The following SNED1 variants were observed in gnomAD, a reference collection of about 807,000 sequenced individuals.
SNED1 encodes the protein sushi, nidogen and EGF like domains 1.
Under a neutral mutation model 166.7 loss-of-function variants are expected in SNED1, and 81 were observed. That is an observed-to-expected ratio of 0.49 (90% CI 0.41 to 0.58). The LOEUF is 0.58. Among genes scored for constraint, SNED1 ranks in the 20% least tolerant of loss-of-function variants. SNED1 has a pLI of 0.00. For missense variants in SNED1, 1,604 were observed against 2,000.2 expected (o/e 0.80, Z 3.78); for synonymous variants, 762 against 822.0 (o/e 0.93, Z 1.25).
At chr2:241,031,832 T>G (rs2061180210) in intron 2 of SNED1, among the ~76,000 whole-genome samples, 1 of 152,234 alleles carries the variant, frequency 6.6e-6, no homozygotes, top group African/African-American at 2.4e-5. Flanking sequence ...ATAAGTGGAA[T>G]GTACACTGTA....
chr2:241,035,589 T>TCGC (rs1210383274), intron 4 of SNED1: 3 of 152,026 alleles, frequency 2.0e-5, no homozygotes, highest in Non-Finnish European at 4.4e-5. Context: ...TGCCCCAGAC[T>TCGC]CGCCTCCCAG....
chr2:241,084,321 G>T (rs2063477210), intron 29 of SNED1, among the ~76,000 whole-genome samples: 1 of 151,868 alleles, frequency 6.6e-6, no homozygotes, highest in Non-Finnish European at 1.5e-5. Flanking sequence ...ATTTTTAGTA[G>T]AGACAAAGTT....
intron 5 of SNED1, 139 bp downstream of exon 5, chr2:241,037,054 AG>A: frequency 8.3e-7 from 1 of 1,208,104 alleles, no homozygotes; most frequent in Non-Finnish European, 1.2e-6. Context: ...TGACTTGCTT[AG>A]GGGACCACTG....
In SNED1 at chr2:241,065,388, A is replaced by G; in HGVS notation, c.2803A>G (p.Arg935Gly). Residue 935 changes from arginine to glycine, a missense_variant, in exon 21 of 32, where the codon AGG (arginine) becomes GGG (glycine). Coordinates refer to ENST00000310397, the MANE Select transcript of SNED1 (RefSeq NM_001080437.3). The part of the protein sequence containing the change: ...SWNPPNGPAA[R>G]QMLDGYAVTY... Reference sequence around the variant, plus strand: ...GAACCCGCCCAATGGTCCAGCCGCCAGGCAGATGCTTGATGGCTACGCGGT... The same window carrying G: ...GAACCCGCCCAATGGTCCAGCCGCCGGGCAGATGCTTGATGGCTACGCGGT... The G allele has an allele frequency of 6.2e-7, 1 of 1,613,190 alleles. No individual in the cohort carries two copies. Among genetic ancestry groups the G allele is most frequent in the Non-Finnish European group, 8.5e-7 (1 of 1,179,846 alleles).
intron 28 of SNED1, 101 bp from the exon 29 acceptor site, chr2:241,082,176 C>A: frequency 2.2e-6 from 2 of 908,566 alleles, no homozygotes; most frequent in Non-Finnish European, 1.7e-6. Context: ...AGGAAGCCAG[C>A]CTAAGGACCC....
At position 241,081,724 on chromosome 2, in the gene SNED1, TG is replaced by T; in HGVS notation, c.3965del (p.Cys1322LeufsTer26). The T allele has an allele frequency of 6.2e-7, 1 of 1,609,848 alleles. No homozygotes were observed. Among genetic ancestry groups the T allele is most frequent in the Non-Finnish European group, 8.5e-7 (1 of 1,178,132 alleles). On this transcript the variant is annotated frameshift_variant, in exon 28 of 32. Transcript: ENST00000310397. LOFTEE classifies it high-confidence loss of function. ...SENPCQNGGT[C>X]VPGADAHSCD... is the part of the protein sequence containing the mutation. ...AAACCCCTGTCAGAACGGAGGCACT[TG>T]TGTGCCGGGCGCAGACGCCCACAGC... is the stretch of plus-strand genomic sequence containing the variant.
chr2:241,085,494 G>A (rs1042601160), intron 29 of SNED1, among the ~76,000 whole-genome samples: 6 of 152,088 alleles, frequency 3.9e-5, no homozygotes, highest in African/African-American at 1.4e-4. Context: ...TTAGCTCACT[G>A]AACATGTGGA....
intron 1 of SNED1, among the ~76,000 whole-genome samples, chr2:241,009,802 TGTGTTTCCCCGG>T: frequency 8.0e-6 from 1 of 125,750 alleles, no homozygotes; most frequent in African/African-American, 5.7e-5. Flanking sequence ...CTGTCCCATG[TGTGTTTCCCCGG>T]AGGCGTCCCA....
In SNED1 at chr2:241,030,590, C is replaced by T. The variant is rs2061136221; in HGVS notation, c.501+19C>T. On this transcript the variant is annotated intron_variant, in intron 2 of 31. Coordinates refer to ENST00000310397, the MANE Select transcript of SNED1 (RefSeq NM_001080437.3). ...ATCCCCTGTGAGTCCAGGCACTTGT[C>T]CTGGGGAGGGTGGGTGTGTGGCTAG... 6.2e-7 allele frequency: 1 copy of T among 1,610,078 alleles called. No individual in the cohort carries two copies. The highest frequency in any genetic ancestry group is 1.1e-5 in the South Asian group (1 of 90,722).
At chr2:241,002,691 T>G (rs139323806) in intron 1 of SNED1, among the ~76,000 whole-genome samples, 39 of 152,232 alleles carry the variant, frequency 2.6e-4, no homozygotes, top group Admixed American at 5.9e-4. Flanking sequence ...CAGGACGTCA[T>G]GCCCAGTGCA....
At chr2:241,076,672 C>T (rs2063034250) in intron 27 of SNED1, among the ~76,000 whole-genome samples, 1 of 151,852 alleles carries the variant, frequency 6.6e-6, no homozygotes, top group Non-Finnish European at 1.5e-5. Flanking sequence ...TCAAGACTAG[C>T]CTGGCCAACA....
chr2:241,046,082 C>T (rs2061638942), intron 8 of SNED1, among the ~76,000 whole-genome samples: 1 of 152,110 alleles, frequency 6.6e-6, no homozygotes, highest in East Asian at 1.9e-4. Context: ...TAATATCAGC[C>T]ATTAGTGAAA....
chr2:241,004,154 A>G (rs1397853114), intron 1 of SNED1, among the ~76,000 whole-genome samples: 1 of 152,160 alleles, frequency 6.6e-6, no homozygotes, highest in East Asian at 1.9e-4. Flanking sequence ...AAGAAAGGAG[A>G]TGTATATAGG....
At chr2:241,088,794 G>A in intron 31 of SNED1, 1 of 252,748 alleles carries the variant, frequency 4.0e-6, no homozygotes, top group Non-Finnish European at 7.5e-6. Flanking sequence ...CGGGCAGCGG[G>A]AGGGCCTGGG....
Position 241,040,364 on chromosome 2 carries a change from T to C in SNED1, c.1224T>C (p.Asn408=), listed in dbSNP as rs773623828. ...NGGSCVDLVG[N]YTCLCAEPFK... is the part of the protein sequence containing the mutation. The stretch of plus-strand genomic sequence containing the variant: ...GCTCTTGTGTTGACCTAGTGGGGAA[T>C]TACACCTGCTTGTGTGCCGAGCCCT... The change falls in exon 8 of 32, where the codon AAT becomes AAC. Residue 408 remains asparagine, a synonymous_variant. Transcript: ENST00000310397. The C allele has an allele frequency of 6.2e-7, 1 of 1,608,730 alleles. No individual in the cohort carries two copies. The highest frequency in any genetic ancestry group is 1.1e-5 in the South Asian group (1 of 89,698).
intron 21 of SNED1, among the ~76,000 whole-genome samples, chr2:241,065,855 G>C (rs1184610018): frequency 6.6e-6 from 1 of 152,146 alleles, no homozygotes; most frequent in Non-Finnish European, 1.5e-5. Flanking sequence ...ACAACCCCCA[G>C]GCATGGAGCT....
At chr2:241,066,754 G>A (rs57588534) in intron 21 of SNED1, among the ~76,000 whole-genome samples, 10,778 of 152,178 alleles carry the variant, frequency 0.071, 453 homozygotes, top group East Asian at 0.18. Flanking sequence ...GGAGGAGCTC[G>A]GCGGTTCTCA....
chr2:241,068,013 G>T lies in SNED1; in HGVS notation c.3194+66G>T. On this transcript the variant is annotated intron_variant, in intron 22 of 31. Coordinates refer to ENST00000310397, the MANE Select transcript of SNED1 (RefSeq NM_001080437.3). This position sits in a 1 kb window ranked among gnomAD's most constrained non-coding sequence, Gnocchi z 5.3. ...AGGGGTGGGGGCTCGGGGACACGGG[G>T]CCCAGGTCTCGGGCACATTCTCCGT... The T allele has an allele frequency of 6.9e-7, 1 of 1,439,734 alleles. No individual in the cohort carries two copies. The highest frequency in any genetic ancestry group is 9.5e-7 in the Non-Finnish European group (1 of 1,047,910). The allele number at this position is 1,439,734 out of a possible 1,614,324, so 89.2% of individuals were successfully genotyped here.
In SNED1 at chr2:241,068,854, G is replaced by C. The variant is rs929463610; in HGVS notation, c.3195-57G>C. 20 of 1,237,892 alleles carry C rather than the reference G, an allele frequency of 1.6e-5. No individual in the cohort carries two copies. The African/African-American group carries it at 2.1e-4, about 13-fold the overall frequency. 76.7% of individuals were successfully genotyped at this position (1,237,892 alleles called of 1,614,324 possible). On this transcript the variant is annotated intron_variant, in intron 22 of 31. Coordinates refer to ENST00000310397, the MANE Select transcript of SNED1 (RefSeq NM_001080437.3). This position sits in a 1 kb window ranked among gnomAD's most constrained non-coding sequence, Gnocchi z 5.3. Reference sequence around the variant, plus strand: ...CTGGGGGAGCTGCGGTCTGGCAGCAGAGTCACACACAGGTCCCAGACATCC... The same window carrying C: ...CTGGGGGAGCTGCGGTCTGGCAGCACAGTCACACACAGGTCCCAGACATCC...
Sources: allele counts gnomAD v4.1 joint callset (sites outside exome capture counted in the v4.1 genomes callset), GRCh38; gene constraint gnomAD v4.1.1; non-coding constraint Gnocchi (gnomAD v3.1); transcripts MANE v1.5; gene names NCBI Gene and HGNC (gene_info 2026-07-23, HGNC 2026-07-21).